The following LRP1B variants were observed in gnomAD, a reference collection of about 807,000 sequenced individuals.
LRP1B encodes low-density lipoprotein receptor-related protein 1B.
In LRP1B, 217 loss-of-function variants were observed where a neutral mutation model predicts 556.6. The ratio of observed to expected loss-of-function variants is 0.39; its 90% CI spans 0.35 to 0.44. The LOEUF (loss-of-function observed/expected upper bound fraction) is 0.44, where lower values mean the gene tolerates loss of function less well. Ranked by LOEUF, LRP1B falls within the 20% of genes least tolerant of loss-of-function variation. The pLI, the probability that LRP1B is intolerant of heterozygous loss-of-function variation, is 1.00. For synonymous variants in LRP1B, 2,047 were observed against 1,865.8 expected (o/e 1.10, Z -2.50); for missense variants, 5,053 against 5,620.8 (o/e 0.90, Z 3.23).
intron 43 of LRP1B, among the ~76,000 whole-genome samples, chr2:140,592,435 T>C (rs1026674697): frequency 1.3e-5 from 2 of 152,062 alleles, no homozygotes; most frequent in Admixed American, 1.3e-4. Context: ...AATTTTTAAA[T>C]CAAATATTTC....
chr2:140,311,191 GA>G (rs893761750), intron 83 of LRP1B, among the ~76,000 whole-genome samples: 51 of 151,442 alleles, frequency 3.4e-4, no homozygotes, highest in African/African-American at 1.2e-3. Context: ...CACCTAATGG[GA>G]AAAAAATATC....
intron 3 of LRP1B, among the ~76,000 whole-genome samples, chr2:141,404,066 G>C (rs973450683): frequency 6.6e-6 from 1 of 152,096 alleles, no homozygotes; most frequent in Non-Finnish European, 1.5e-5. Context: ...AACTCAAAAG[G>C]TTCCAGATGT....
chr2:140,339,673 G>A (rs1336577264), intron 77 of LRP1B, among the ~76,000 whole-genome samples: 2 of 151,610 alleles, frequency 1.3e-5, no homozygotes, highest in African/African-American at 4.8e-5. Context: ...ATGAGTGGAT[G>A]TAAAATAATG....
At chr2:141,469,512 C>T (rs1682379775) in intron 3 of LRP1B, among the ~76,000 whole-genome samples, 1 of 151,930 alleles carries the variant, frequency 6.6e-6, no homozygotes, top group Admixed American at 6.6e-5. Context: ...TATTATGGCT[C>T]ATGGAATAAG....
intron 1 of LRP1B, among the ~76,000 whole-genome samples, chr2:141,936,032 T>C (rs1700626484): frequency 6.6e-6 from 1 of 152,188 alleles, no homozygotes; most frequent in South Asian, 2.1e-4. Context: ...CTTTTTATGT[T>C]AATAACACTG....
rs376337854 is a variant in LRP1B at position 141,508,023 on chromosome 2, T to C, written c.206-27490A>G. 5.3e-5 allele frequency among the ~76,000 whole-genome samples: 8 copies of C among 150,586 alleles called. No individual in the cohort carries two copies. In the East Asian group the frequency reaches 9.8e-4, roughly 18 times the overall value. Reference sequence around the variant, plus strand: ...ATTGCTTGAACCTGGGAGGTGGAGGTGGCAGTGAGCTGAGACCATGCCACT... The same window carrying C: ...ATTGCTTGAACCTGGGAGGTGGAGGCGGCAGTGAGCTGAGACCATGCCACT... On this transcript the variant is annotated intron_variant, in intron 2 of 90. Coordinates refer to ENST00000389484, the MANE Select transcript of LRP1B (RefSeq NM_018557.3).
chr2:141,280,434 A>G (rs1302405929), intron 3 of LRP1B, among the ~76,000 whole-genome samples: 5 of 152,088 alleles, frequency 3.3e-5, no homozygotes, highest in Non-Finnish European at 7.4e-5. Flanking sequence ...GAAACTAAAC[A>G]AGTAAATAAA....
intron 23 of LRP1B, among the ~76,000 whole-genome samples, chr2:140,897,127 G>T (rs990964654): frequency 6.6e-6 from 1 of 152,148 alleles, no homozygotes; most frequent in African/African-American, 2.4e-5. Flanking sequence ...AACTTTAAAA[G>T]ATGAAATATA....
intron 4 of LRP1B, 139 bp downstream of exon 4, chr2:141,254,383 G>T: frequency 1.3e-6 from 1 of 781,204 alleles, no homozygotes; most frequent in Non-Finnish European, 2.0e-6. Flanking sequence ...TTGTTGGGGG[G>T]GCAACTTTTA....
intron 35 of LRP1B, among the ~76,000 whole-genome samples, chr2:140,724,006 C>T (rs1027318717): frequency 4.6e-5 from 7 of 152,154 alleles, no homozygotes; most frequent in Admixed American, 1.3e-4. Context: ...GATTCTTGTA[C>T]ACAGTTCCTA....
intron 35 of LRP1B, among the ~76,000 whole-genome samples, chr2:140,762,120 G>A (rs2104917811): frequency 6.6e-6 from 1 of 152,102 alleles, no homozygotes; most frequent in East Asian, 1.9e-4. Context: ...CAAGCCCTGA[G>A]TCCTAATATG....
intron 7 of LRP1B, among the ~76,000 whole-genome samples, chr2:141,115,774 G>A (rs1244383226): frequency 6.6e-6 from 1 of 151,836 alleles, no homozygotes; most frequent in Admixed American, 6.6e-5. Context: ...GAGCCACCGC[G>A]CCCCACCTGA....
intron 2 of LRP1B, among the ~76,000 whole-genome samples, chr2:141,601,845 C>A (rs180916823): frequency 2.0e-5 from 3 of 152,100 alleles, no homozygotes; most frequent in Non-Finnish European, 4.4e-5. Flanking sequence ...TCAAGTGATG[C>A]GCCCACTCAG....
At chr2:141,670,255 C>T (rs1690613288) in intron 2 of LRP1B, among the ~76,000 whole-genome samples, 1 of 152,036 alleles carries the variant, frequency 6.6e-6, no homozygotes, top group African/African-American at 2.4e-5. Flanking sequence ...CTCTTTAGCC[C>T]ACCACATAGC....
At chr2:141,679,733 G>T (rs1218943702) in intron 2 of LRP1B, among the ~76,000 whole-genome samples, 1 of 152,018 alleles carries the variant, frequency 6.6e-6, no homozygotes, top group Admixed American at 6.6e-5. Context: ...ATATATTCAT[G>T]TTTTAGAACA....
At chr2:142,091,464 C>T (rs1055339900) in intron 1 of LRP1B, among the ~76,000 whole-genome samples, 4 of 151,988 alleles carry the variant, frequency 2.6e-5, no homozygotes, top group Non-Finnish European at 5.9e-5. Context: ...TAGCTAAAAC[C>T]TGAAGAAAAA....
intron 1 of LRP1B, among the ~76,000 whole-genome samples, chr2:141,893,593 A>T (rs1337896502): frequency 6.6e-6 from 1 of 152,136 alleles, no homozygotes; most frequent in African/African-American, 2.4e-5. Flanking sequence ...CTAAGAAGGC[A>T]CTCTTTTCTA....
At chr2:141,627,211 T>A (rs355587) in intron 2 of LRP1B, among the ~76,000 whole-genome samples, 116,099 of 152,190 alleles carry the variant, frequency 0.76, 44,584 homozygotes, top group East Asian at 0.84. Context: ...CTACATACTG[T>A]TGATTCCAGC....
intron 2 of LRP1B, among the ~76,000 whole-genome samples, chr2:141,673,613 A>AT (rs1443001459): frequency 6.6e-6 from 1 of 152,048 alleles, no homozygotes; most frequent in Non-Finnish European, 1.5e-5. Context: ...ATGTGAGAAC[A>AT]TTTTTTCACG....
Sources: gnomAD v4.1 joint callset for allele counts (sites outside exome capture counted in the v4.1 genomes callset) on GRCh38, gnomAD v4.1.1 for gene constraint, MANE v1.5 for transcripts, NCBI Gene and HGNC (gene_info 2026-07-23, HGNC 2026-07-21) for gene names.